SYNPO2: variants seen among roughly 807,000 people sequenced by gnomAD.
SYNPO2 encodes the protein synaptopodin-2.
SYNPO2 carries 56 observed loss-of-function variants against 85.0 expected under a neutral mutation model. The observed-to-expected ratio is 0.66, with a 90% confidence interval of 0.53 to 0.82. The LOEUF is 0.82. SYNPO2 is among the 40% of genes least tolerant of loss of function. SYNPO2 has a pLI of 0.00. For missense variants in SYNPO2, 1,575 were observed against 1,534.2 expected, an observed-to-expected ratio of 1.03 and a Z score of -0.44; for synonymous variants, 602 against 591.1, an observed-to-expected ratio of 1.02 and a Z score of -0.27.
intron 1 of SYNPO2, among the ~76,000 whole-genome samples, chr4:118,922,010 T>C (rs1733555626): frequency 6.6e-6 from 1 of 152,218 alleles, no homozygotes; most frequent in African/African-American, 2.4e-5. Context: ...ATAGGACTGT[T>C]TTCCTCATTA....
chr4:119,035,695 C>T (rs1738478722), intron 4 of SYNPO2: 1 of 985,066 alleles, frequency 1.0e-6, no homozygotes, highest in Admixed American at 6.2e-5. Flanking sequence ...TTAAAATAAG[C>T]CCAGGTTATT....
intron 1 of SYNPO2, among the ~76,000 whole-genome samples, chr4:118,917,978 A>C (rs1733408461): frequency 2.0e-5 from 3 of 152,208 alleles, no homozygotes; most frequent in African/African-American, 7.2e-5. Context: ...AAGAACAAAA[A>C]AGTTAGAAGT....
chr4:118,977,585 G>T (rs1311551977), intron 1 of SYNPO2, among the ~76,000 whole-genome samples: 1 of 152,240 alleles, frequency 6.6e-6, no homozygotes, highest in Non-Finnish European at 1.5e-5. Context: ...GGGCTCTGAG[G>T]ACTGCCAGCA....
At chr4:118,906,416 C>G (rs1267607476) in intron 1 of SYNPO2, among the ~76,000 whole-genome samples, 5 of 152,142 alleles carry the variant, frequency 3.3e-5, no homozygotes, top group African/African-American at 4.8e-5. Context: ...CTCTTACCTC[C>G]ATTACCTTAA....
intron 1 of SYNPO2, among the ~76,000 whole-genome samples, chr4:118,875,852 G>A (rs949838303): frequency 6.6e-6 from 1 of 152,178 alleles, no homozygotes; most frequent in Non-Finnish European, 1.5e-5. Flanking sequence ...AAGTATGACT[G>A]GAAGCTGTTC....
intron 1 of SYNPO2, among the ~76,000 whole-genome samples, chr4:118,879,564 G>A (rs564599909): frequency 6.6e-6 from 1 of 152,142 alleles, no homozygotes; most frequent in Non-Finnish European, 1.5e-5. Context: ...AGCAGACAGT[G>A]GACCTAGCAG....
At chr4:118,978,793 ACAC>A (rs2149161595) in intron 1 of SYNPO2, among the ~76,000 whole-genome samples, 1 of 1,578 alleles carries the variant, frequency 6.3e-4, no homozygotes, top group Non-Finnish European at 3.2e-3. Flanking sequence ...TCCTGCCATG[ACAC>A]ACACACACAC....
At chr4:118,926,556 T>C (rs79949638) in intron 1 of SYNPO2, among the ~76,000 whole-genome samples, 2,773 of 152,238 alleles carry the variant, frequency 0.018, 94 homozygotes, top group African/African-American at 0.063. Flanking sequence ...TGGCACATAA[T>C]TAAAAGGTAA....
intron 1 of SYNPO2, among the ~76,000 whole-genome samples, chr4:118,876,697 CTTTCTT>C (rs1214901069): frequency 9.5e-6 from 1 of 105,290 alleles, no homozygotes; most frequent in African/African-American, 3.5e-5. Flanking sequence ...TTCTTTCTTT[CTTTCTT>C]TCTTTCTTTC....
chr4:118,943,698 T>A (rs1036657583), intron 1 of SYNPO2, among the ~76,000 whole-genome samples: 1 of 152,198 alleles, frequency 6.6e-6, no homozygotes, highest in Admixed American at 6.5e-5. Context: ...GAACCCTATA[T>A]AAGATGAATA....
chr4:119,060,010 T>C lies in SYNPO2; in HGVS notation c.*2076T>C, dbSNP rs1261361970. On this transcript the variant is annotated 3_prime_UTR_variant, in exon 5 of 5. Transcript: ENST00000307142. ...TTACTTTGTTCAAAATTTATTATAG[T>C]GGTTTAATCATTTTAGATTTGAATG... 3 of 152,164 alleles carry C rather than the reference T, an allele frequency of 2.0e-5. No homozygotes were observed. Among genetic ancestry groups the C allele is most frequent in the African/African-American group, 7.2e-5 (3 of 41,446 alleles). The allele number at this position is 152,164 out of a possible 1,614,324, so 9.4% of individuals were successfully genotyped here.
chr4:118,910,825 T>G (rs1010718360), intron 1 of SYNPO2, among the ~76,000 whole-genome samples: 4 of 152,192 alleles, frequency 2.6e-5, no homozygotes, highest in African/African-American at 9.6e-5. Context: ...CCAACTACTT[T>G]TCTTTTTTAC....
upstream of SYNPO2, among the ~76,000 whole-genome samples, chr4:118,885,306 C>T (rs1190674945): frequency 6.6e-6 from 1 of 152,006 alleles, no homozygotes; most frequent in East Asian, 1.9e-4. Context: ...AAATTTCACC[C>T]TGGCTTTGGA....
chr4:118,985,731 G>C (rs1242655589), intron 1 of SYNPO2, among the ~76,000 whole-genome samples: 1 of 152,206 alleles, frequency 6.6e-6, no homozygotes, highest in Non-Finnish European at 1.5e-5. Context: ...GGCTGGGCTG[G>C]GCCCTGCACA....
At chr4:118,922,478 C>T (rs1295861106) in intron 1 of SYNPO2, among the ~76,000 whole-genome samples, 1 of 151,914 alleles carries the variant, frequency 6.6e-6, no homozygotes, top group African/African-American at 2.4e-5. Flanking sequence ...CCTGAGGAAA[C>T]TCTAATAGTT....
At chr4:118,946,785 T>C (rs936273005) in intron 1 of SYNPO2, among the ~76,000 whole-genome samples, 2 of 152,232 alleles carry the variant, frequency 1.3e-5, no homozygotes, top group South Asian at 2.1e-4. Flanking sequence ...TAATTTAGCA[T>C]GCCCTCTTTC....
chr4:118,906,140 T>G (rs945043602), intron 1 of SYNPO2, among the ~76,000 whole-genome samples: 14 of 152,210 alleles, frequency 9.2e-5, no homozygotes, highest in African/African-American at 3.1e-4. Flanking sequence ...AATGAATGAA[T>G]GACTGTACAT....
At chr4:118,986,066 C>A (rs534799407) in intron 1 of SYNPO2, among the ~76,000 whole-genome samples, 1 of 152,282 alleles carries the variant, frequency 6.6e-6, no homozygotes, top group Admixed American at 6.5e-5. Context: ...ATGAAAGAAA[C>A]CTTCTTCCCC....
intron 4 of SYNPO2, chr4:119,033,362 G>A: frequency 1.0e-6 from 1 of 985,356 alleles, no homozygotes; most frequent in African/African-American, 1.7e-5. Context: ...TTCAGGCAAG[G>A]TTACCTTGTA....
Sources: gnomAD v4.1 joint callset for allele counts (sites outside exome capture counted in the v4.1 genomes callset) on GRCh38, gnomAD v4.1.1 for gene constraint, MANE v1.5 for transcripts, NCBI Gene and HGNC (gene_info 2026-07-23, HGNC 2026-07-21) for gene names.